Variants in RIF1 observed in about 807,000 individuals in gnomAD.
The protein encoded by RIF1 is replication timing regulatory factor 1.
A neutral mutation model predicts 247.1 loss-of-function variants in RIF1; 45 were observed. The ratio of observed to expected loss-of-function variants is 0.18; its 90% CI spans 0.14 to 0.23. RIF1 has a LOEUF of 0.23. RIF1 is among the 10% of genes least tolerant of loss of function. The probability of loss-of-function intolerance (pLI) is 1.00; values close to 1 mark genes in which losing one functional copy is unlikely to be tolerated. For synonymous variants in RIF1, 1,087 were observed against 978.8 expected (o/e 1.11, Z -2.06); for missense variants, 2,967 against 2,862.5 (o/e 1.04, Z -0.83).
In RIF1 at chr2:151,502,690, T is replaced by A. The variant is rs957063376; in HGVS notation, c.*710-344T>A. On this transcript the variant is annotated intron_variant and NMD_transcript_variant, in intron 11 of 13. Transcript: ENST00000454583. ...TTGAAAACTGAGGTAATATTTGGTATCATTATTTTCATTATATGAATTTAG... is the reference window on the plus strand; with the variant it reads ...TTGAAAACTGAGGTAATATTTGGTAACATTATTTTCATTATATGAATTTAG... The A allele has an allele frequency of 8.4e-6, 6 of 714,888 alleles. No homozygotes were observed. In the Admixed American group the frequency reaches 1.4e-4, roughly 17 times the overall value. The allele number at this position is 714,888 out of a possible 1,614,324, so 44.3% of individuals were successfully genotyped here.
At chr2:151,426,956 A>C (rs906461696) in intron 8 of RIF1, among the ~76,000 whole-genome samples, 1 of 151,344 alleles carries the variant, frequency 6.6e-6, no homozygotes, top group African/African-American at 2.4e-5. Context: ...CTAGGTCTTT[A>C]ATTTCTTTCA....
At chr2:151,440,776 A>G (rs1244800997) in intron 15 of RIF1, among the ~76,000 whole-genome samples, 1 of 152,230 alleles carries the variant, frequency 6.6e-6, no homozygotes, top group Admixed American at 6.5e-5. Context: ...TGTGCAGTTT[A>G]TCTATTCCCT....
At chr2:151,498,278 A>ATTGTGT in intron 10 of RIF1, 1 of 1,551,278 alleles carries the variant, frequency 6.4e-7, no homozygotes, top group Non-Finnish European at 8.7e-7. Context: ...GGTTTTCTTG[A>ATTGTGT]TTGTGTTTGA....
At chr2:151,445,237 G>A in intron 18 of RIF1, 101 bp from the exon 19 acceptor site, 1 of 729,256 alleles carries the variant, frequency 1.4e-6, no homozygotes, top group Non-Finnish European at 2.5e-6. Flanking sequence ...CTCATCATTG[G>A]GGAACACAGT....
intron 13 of RIF1, 44 bp downstream of exon 13, chr2:151,437,395 A>C (rs1446511892): frequency 2.7e-6 from 4 of 1,492,266 alleles, no homozygotes; most frequent in Non-Finnish European, 3.7e-6. Context: ...TGTGTTTAAA[A>C]AGAAGAAAAA....
chr2:151,513,728 T>G, the RIF1 span: 11 of 1,336,072 alleles, frequency 8.2e-6, no homozygotes, highest in Non-Finnish European at 1.2e-5. Context: ...AAAAGGTACC[T>G]AAATGCTACT....
In RIF1 at chr2:151,438,713, C is replaced by G. The variant is rs200199420; in HGVS notation, c.1513C>G (p.Leu505Val). The change falls in exon 14 of 36, where the codon CTA (leucine) becomes GTA (valine). Residue 505 changes from leucine to valine, a missense_variant. Leu to Val is a conservative substitution (Grantham distance 32, BLOSUM62 1). Coordinates refer to ENST00000444746, the MANE Select transcript of RIF1 (RefSeq NM_018151.5). ...GGTTGTCAGTGCTATCTGGAAGGAG[C>G]TAATTAGCTTGGTGAAGTCAGTTAC... Reference protein sequence around the residue: ...DVVVSAIWKELISLVKSVTES... With the variant: ...DVVVSAIWKEVISLVKSVTES... The G allele has an allele frequency of 3.1e-6, 5 of 1,612,934 alleles. No individual in the cohort carries two copies. The Admixed American group carries it at 5.0e-5, about 16-fold the overall frequency.
At chr2:151,446,619 G>C (rs754750822) in intron 20 of RIF1, 44 bp downstream of exon 20, 12 of 1,578,076 alleles carry the variant, frequency 7.6e-6, no homozygotes, top group Middle Eastern at 1.7e-4. Context: ...GTTTTTAAAG[G>C]ATTCTTTTCA....
chr2:151,475,827 G>T lies in RIF1; in HGVS notation c.*756G>T, dbSNP rs1227336927. The stretch of plus-strand genomic sequence containing the variant: ...AATTTCATTCTTTGTTAATTGCATG[G>T]GTTTTTCTGCAGCTTATTGTGAATA... On this transcript the variant is annotated 3_prime_UTR_variant, in exon 36 of 36. Transcript: ENST00000444746. 2.0e-5 allele frequency: 3 copies of T among 152,382 alleles called. No individual in the cohort carries two copies. Among genetic ancestry groups the T allele is most frequent in the African/African-American group, 7.3e-5 (3 of 41,356 alleles). The allele number at this position is 152,382 out of a possible 1,614,324, so 9.4% of individuals were successfully genotyped here. A position where few individuals can be genotyped will look rare whatever the true frequency, so the allele number is the denominator to read the frequency against.
chr2:151,517,662 C>A, the RIF1 span, among the ~76,000 whole-genome samples: 3 of 152,116 alleles, frequency 2.0e-5, no homozygotes, highest in Admixed American at 2.0e-4. Flanking sequence ...GCCTGTTGCT[C>A]CTAGGCTAGA....
chr2:151,464,696 G>A lies in RIF1; in HGVS notation c.5176G>A (p.Val1726Met). The A allele has an allele frequency of 6.2e-7, 1 of 1,613,134 alleles. No individual in the cohort carries two copies. The highest frequency in any genetic ancestry group is 1.1e-5 in the South Asian group (1 of 90,928). Residue 1726 changes from valine (V) to methionine (M), a missense_variant, in exon 30 of 36, where the codon GTG (valine) becomes ATG (methionine). Val to Met is a conservative substitution (Grantham distance 21). This residue lies in a region of RIF1 where 2,028 missense variants were observed against 1,825.6 expected (regional missense o/e 1.11). Transcript: ENST00000444746. Reference protein sequence around the residue: ...LECQHKRSRRVRRSKGCDCCG... With the variant: ...LECQHKRSRRMRRSKGCDCCG... ...ATGCCAACACAAGAGAAGTAGGAGGGTGAGGAGATCTAAAGGTTGTGATTG... is the reference window on the plus strand; with the variant it reads ...ATGCCAACACAAGAGAAGTAGGAGGATGAGGAGATCTAAAGGTTGTGATTG...
downstream of RIF1, among the ~76,000 whole-genome samples, chr2:151,482,410 G>A (rs558417090): frequency 2.0e-5 from 3 of 152,202 alleles, no homozygotes; most frequent in African/African-American, 7.2e-5. Context: ...AGAGGTGGTG[G>A]TTTTTCTGTT....
At chr2:151,507,194 T>C (rs976258616) in intron 13 of RIF1, 1 of 550,516 alleles carries the variant, frequency 1.8e-6, no homozygotes, top group Non-Finnish European at 3.2e-6. Context: ...GAAACTAATT[T>C]TAAAAAACAT....
intron 12 of RIF1, chr2:151,503,299 G>A (rs768204922): frequency 1.5e-6 from 2 of 1,340,032 alleles, no homozygotes; most frequent in Non-Finnish European, 2.1e-6. Flanking sequence ...GGGTTATTGT[G>A]GTAAATTTTT....
At chr2:151,457,413 G>A (rs760574314) in intron 23 of RIF1, among the ~76,000 whole-genome samples, 2 of 152,170 alleles carry the variant, frequency 1.3e-5, no homozygotes, top group South Asian at 2.1e-4. Context: ...GTGAACCACT[G>A]AGCCCAGCCT....
chr2:151,468,418 G>A (rs2152520530), intron 31 of RIF1, 56 bp from the exon 32 acceptor site: 1 of 1,377,322 alleles, frequency 7.3e-7, no homozygotes, highest in Non-Finnish European at 1.0e-6. Context: ...TAAAAATTGT[G>A]AAATTATAGT....
intron 9 of RIF1, among the ~76,000 whole-genome samples, chr2:151,430,916 A>C (rs1431077047): frequency 6.6e-6 from 1 of 152,144 alleles, no homozygotes; most frequent in African/African-American, 2.4e-5. Flanking sequence ...AGCCTTCCAA[A>C]GTGTTAGGAT....
intron 20 of RIF1, among the ~76,000 whole-genome samples, chr2:151,447,052 T>A (rs1296025599): frequency 2.6e-5 from 4 of 151,230 alleles, no homozygotes; most frequent in South Asian, 2.1e-4. Context: ...CACGCCATTC[T>A]CCTGCCTCAG....
At chr2:151,525,835 T>G in the RIF1 span, 1 of 803,736 alleles carries the variant, frequency 1.2e-6, no homozygotes, top group Non-Finnish European at 2.2e-6. Context: ...AAGATTCACA[T>G]GTAGATATTG....
Sources: gnomAD v4.1 joint callset for allele counts (sites outside exome capture counted in the v4.1 genomes callset) on GRCh38, gnomAD v4.1.1 for gene constraint, gnomAD v4.1.1 regional missense constraint, MANE v1.5 for transcripts, NCBI Gene and HGNC (gene_info 2026-07-23, HGNC 2026-07-21) for gene names.